Variants in WWOX observed in about 807,000 individuals in gnomAD.
WWOX encodes the protein WW domain containing oxidoreductase.
Under a neutral mutation model 46.2 loss-of-function variants are expected in WWOX, and 69 were observed. The ratio of observed to expected loss-of-function variants is 1.49; its 90% CI spans 1.23 to 1.82. The LOEUF (loss-of-function observed/expected upper bound fraction) is 1.82. Ranked by LOEUF, WWOX falls within the 40% of genes most tolerant of loss-of-function variation. The pLI, the probability that WWOX is intolerant of heterozygous loss-of-function variation, is 0.00. For missense variants in WWOX, 919 were observed against 542.6 expected (o/e 1.69, Z -6.89); for synonymous variants, 359 against 202.6 (o/e 1.77, Z -6.56).
chr16:78,429,468 A>G (rs913187514), intron 7 of WWOX, among the ~76,000 whole-genome samples: 1 of 152,214 alleles, frequency 6.6e-6, no homozygotes, highest in Non-Finnish European at 1.5e-5. Context: ...TTCCTGGAAG[A>G]AGTAGTCCCT....
At chr16:78,798,289 C>T (rs919087322) in intron 8 of WWOX, among the ~76,000 whole-genome samples, 8 of 151,840 alleles carry the variant, frequency 5.3e-5, no homozygotes, top group African/African-American at 1.7e-4. Flanking sequence ...AAGTCAGGCT[C>T]AGATTGACGC....
chr16:78,575,562 G>C (rs1304201978), intron 8 of WWOX, among the ~76,000 whole-genome samples: 2 of 152,060 alleles, frequency 1.3e-5, no homozygotes, highest in Non-Finnish European at 2.9e-5. Flanking sequence ...TTGGACTGGG[G>C]CATTGGATCT....
At chr16:79,178,511 C>T (rs1280387685) in intron 8 of WWOX, among the ~76,000 whole-genome samples, 4 of 152,110 alleles carry the variant, frequency 2.6e-5, no homozygotes, top group African/African-American at 9.7e-5. Flanking sequence ...GAGACAAGGT[C>T]TCACTGTGTT....
At chr16:79,102,835 T>C (rs2049228896) in intron 8 of WWOX, among the ~76,000 whole-genome samples, 1 of 152,050 alleles carries the variant, frequency 6.6e-6, no homozygotes, top group Non-Finnish European at 1.5e-5. Context: ...TGGCATTCTT[T>C]TCTGGTCTTT....
chr16:78,746,189 G>A (rs946649141), intron 8 of WWOX, among the ~76,000 whole-genome samples: 2 of 152,226 alleles, frequency 1.3e-5, no homozygotes, highest in Admixed American at 1.3e-4. Flanking sequence ...GCAGAAAGCT[G>A]ACGTAGTTGG....
chr16:78,820,618 G>C (rs1454316435), intron 8 of WWOX, among the ~76,000 whole-genome samples: 1 of 152,060 alleles, frequency 6.6e-6, no homozygotes, highest in Non-Finnish European at 1.5e-5. Context: ...GTGAAAGCAA[G>C]ACCACAGGGC....
At chr16:78,800,151 C>A (rs78689253) in intron 8 of WWOX, among the ~76,000 whole-genome samples, 60 of 151,662 alleles carry the variant, frequency 4.0e-4, no homozygotes, top group African/African-American at 1.4e-3. Flanking sequence ...AGAATATCTT[C>A]AATGCAATTA....
chr16:78,476,916 T>G (rs1015940514), intron 8 of WWOX, among the ~76,000 whole-genome samples: 2 of 152,088 alleles, frequency 1.3e-5, no homozygotes, highest in Non-Finnish European at 2.9e-5. Context: ...CTCTCCCCCT[T>G]CTCCTTTCCG....
chr16:78,307,202 C>T (rs1041590914), intron 5 of WWOX, among the ~76,000 whole-genome samples: 9 of 152,186 alleles, frequency 5.9e-5, no homozygotes, highest in African/African-American at 2.2e-4. Flanking sequence ...AGGGAACTAA[C>T]TACCTGTTCA....
intron 8 of WWOX, among the ~76,000 whole-genome samples, chr16:78,820,716 C>G (rs920653481): frequency 6.6e-6 from 1 of 152,114 alleles, no homozygotes; most frequent in African/African-American, 2.4e-5. Flanking sequence ...TTATCGCAAA[C>G]TGGGTAGATT....
At chr16:78,559,295 G>T (rs2044377200) in intron 8 of WWOX, among the ~76,000 whole-genome samples, 1 of 152,220 alleles carries the variant, frequency 6.6e-6, no homozygotes, top group South Asian at 2.1e-4. Flanking sequence ...GAAGAACGAT[G>T]GATTTGTGAG....
At chr16:78,703,110 G>A (rs902006944) in intron 8 of WWOX, among the ~76,000 whole-genome samples, 1 of 152,180 alleles carries the variant, frequency 6.6e-6, no homozygotes. Context: ...CAGGGACCTT[G>A]CTTTTAGTCA....
Position 78,909,055 on chromosome 16 carries a change from C to T in WWOX, c.1057-302553C>T, listed in dbSNP as rs1597136797. On this transcript the variant is annotated intron_variant, in intron 8 of 8. Coordinates refer to ENST00000566780, the MANE Select transcript of WWOX (RefSeq NM_016373.4). Reference sequence around the variant, plus strand: ...TATCATCTTTTGTTTCAAAGTTAAACCGTAAACTAAGTTCCTCTCAAAGTT... The same window carrying T: ...TATCATCTTTTGTTTCAAAGTTAAATCGTAAACTAAGTTCCTCTCAAAGTT... Among the ~76,000 whole-genome samples the T allele has an allele frequency of 2.6e-5, 4 of 152,198 alleles. No homozygotes were observed. The South Asian group carries it at 8.3e-4, about 32-fold the overall frequency.
At chr16:78,154,512 C>G (rs1320593914) in intron 4 of WWOX, among the ~76,000 whole-genome samples, 3 of 60,030 alleles carry the variant, frequency 5.0e-5, no homozygotes, top group African/African-American at 1.4e-4. Flanking sequence ...TTTTTTTTTG[C>G]CAAGCACCCT....
intron 8 of WWOX, among the ~76,000 whole-genome samples, chr16:78,608,982 CT>C (rs2045832406): frequency 6.6e-6 from 1 of 152,094 alleles, no homozygotes; most frequent in African/African-American, 2.4e-5. Flanking sequence ...TCTAGCATGT[CT>C]GGGGAGCATA....
At chr16:78,595,834 C>T (rs1418817692) in intron 8 of WWOX, among the ~76,000 whole-genome samples, 1 of 152,208 alleles carries the variant, frequency 6.6e-6, no homozygotes, top group African/African-American at 2.4e-5. Flanking sequence ...CTGAAATATG[C>T]AATACCTTGT....
chr16:78,814,413 A>G (rs2051277852), intron 8 of WWOX, among the ~76,000 whole-genome samples: 1 of 152,124 alleles, frequency 6.6e-6, no homozygotes, highest in Non-Finnish European at 1.5e-5. Flanking sequence ...TGTTTCTGTA[A>G]TCCTTACATC....
chr16:79,172,224 T>G (rs1490193578), intron 8 of WWOX, among the ~76,000 whole-genome samples: 3 of 152,204 alleles, frequency 2.0e-5, no homozygotes, highest in Admixed American at 2.0e-4. Flanking sequence ...TTTCCCCACT[T>G]GGCACTGAGC....
At chr16:78,102,871 C>T (rs1207346030) in intron 1 of WWOX, among the ~76,000 whole-genome samples, 2 of 152,134 alleles carry the variant, frequency 1.3e-5, no homozygotes, top group East Asian at 3.9e-4. Flanking sequence ...GGGTCAGCCG[C>T]AGGCTTCTGT....
Sources: allele counts gnomAD v4.1 joint callset (sites outside exome capture counted in the v4.1 genomes callset), GRCh38; gene constraint gnomAD v4.1.1; transcripts MANE v1.5; gene names NCBI Gene and HGNC (gene_info 2026-07-23, HGNC 2026-07-21).